The following PLCZ1 variants were observed in gnomAD, a reference collection of about 807,000 sequenced individuals.
The protein encoded by PLCZ1 is phospholipase C zeta 1, also known as 1-phosphatidylinositol 4,5-bisphosphate phosphodiesterase zeta-1.
PLCZ1 carries 64 observed loss-of-function variants against 76.8 expected under a neutral mutation model. The ratio of observed to expected loss-of-function variants is 0.83; its 90% confidence interval spans 0.68 to 1.03. The LOEUF (loss-of-function observed/expected upper bound fraction) is 1.03. Among genes scored for constraint, PLCZ1 ranks in the 50% least tolerant of loss-of-function variants. The pLI is 0.00. For synonymous variants in PLCZ1, 248 were observed against 230.8 expected, an observed-to-expected ratio of 1.07 and a Z score of -0.68; for missense variants, 751 against 713.7, an observed-to-expected ratio of 1.05 and a Z score of -0.60.
intron 12 of PLCZ1, chr12:18,694,040 T>C: frequency 2.1e-6 from 3 of 1,421,064 alleles, no homozygotes; most frequent in South Asian, 1.2e-5. Flanking sequence ...CTTCAAAAAA[T>C]CTAAAGAAAA....
intron 11 of PLCZ1, among the ~76,000 whole-genome samples, chr12:18,695,831 TA>T (rs1954900393): frequency 6.6e-6 from 1 of 152,138 alleles, no homozygotes; most frequent in Non-Finnish European, 1.5e-5. Context: ...GCCTTGAGCA[TA>T]CCTCAAGCAA....
the PLCZ1 span, among the ~76,000 whole-genome samples, chr12:18,650,694 GTGTGTGTGTGTATATATC>G: frequency 0.01 from 401 of 38,728 alleles, 4 homozygotes; most frequent in Middle Eastern, 0.025. Flanking sequence ...GTGTGTGTGT[GTGTGTGTGTGTATATATC>G]TATATATATA....
rs566991956 is a variant in PLCZ1, at chr12:18,715,495, G to A, written c.570-2509C>T. Among the ~76,000 whole-genome samples, 5 of 151,336 alleles carry A rather than the reference G, an allele frequency of 3.3e-5. No homozygotes were observed. The East Asian group carries it at 5.9e-4, about 18-fold the overall frequency. ...CGGCTCACTGCAAGCTCCGCCTCCC[G>A]GGTTCACGCCATTCTCCTGCCTCAG... On this transcript the variant is annotated intron_variant, in intron 5 of 14. Coordinates refer to ENST00000266505, the MANE Select transcript of PLCZ1 (RefSeq NM_033123.4).
intron 3 of PLCZ1, among the ~76,000 whole-genome samples, chr12:18,724,883 A>G (rs956847845): frequency 5.3e-5 from 8 of 152,172 alleles, no homozygotes; most frequent in Non-Finnish European, 1.2e-4. Flanking sequence ...GAATAGCAGC[A>G]TAAAATAAAA....
intron 3 of PLCZ1, among the ~76,000 whole-genome samples, chr12:18,730,676 A>G (rs1454573791): frequency 1.3e-5 from 2 of 152,150 alleles, no homozygotes; most frequent in African/African-American, 2.4e-5. Flanking sequence ...TACTTTTATA[A>G]TGGTTGAGCA....
chr12:18,734,459 T>C (rs1253688108), intron 3 of PLCZ1, among the ~76,000 whole-genome samples: 1 of 152,162 alleles, frequency 6.6e-6, no homozygotes, highest in African/African-American at 2.4e-5. Context: ...CAAGCAATTC[T>C]CGTGCCTCAG....
the PLCZ1 span, among the ~76,000 whole-genome samples, chr12:18,674,458 A>G: frequency 3.9e-5 from 6 of 152,124 alleles, no homozygotes; most frequent in African/African-American, 2.4e-5. Context: ...CTGGCACGTG[A>G]TATTTTCTCA....
intron 3 of PLCZ1, among the ~76,000 whole-genome samples, chr12:18,727,338 A>G (rs1489313100): frequency 6.6e-6 from 1 of 152,074 alleles, no homozygotes; most frequent in East Asian, 1.9e-4. Context: ...ACAGAGCAAG[A>G]CCTTTTCTCT....
At chr12:18,688,262 G>A (rs372166532) in intron 12 of PLCZ1, 44 bp from the exon 13 acceptor site, 7 of 1,552,376 alleles carry the variant, frequency 4.5e-6, no homozygotes, top group African/African-American at 2.7e-5. Flanking sequence ...AAGATATTAA[G>A]TTACATCACC....
chr12:18,719,714 TACTC>T (rs1014569761), intron 4 of PLCZ1, 82 bp from the exon 5 acceptor site: 9 of 913,864 alleles, frequency 9.8e-6, no homozygotes, highest in East Asian at 2.7e-5. Context: ...CTTGTAAACT[TACTC>T]AGTAGTAGAG....
the PLCZ1 span, among the ~76,000 whole-genome samples, chr12:18,673,690 A>C: frequency 2.6e-5 from 4 of 152,176 alleles, no homozygotes; most frequent in Non-Finnish European, 4.4e-5. Flanking sequence ...CCTCTGATTC[A>C]CTGTCTCTCA....
chr12:18,727,611 C>T lies in PLCZ1; in HGVS notation c.136-4069G>A, dbSNP rs370421151. On this transcript the variant is annotated intron_variant, in intron 3 of 14. Coordinates refer to ENST00000266505, the MANE Select transcript of PLCZ1 (RefSeq NM_033123.4). The stretch of plus-strand genomic sequence containing the variant: ...ATTAGAGAGAATGTTAGTGAAGCTG[C>T]GGGAGCAGATAAGGCAGGAAGCACA... 3.5e-4 allele frequency among the ~76,000 whole-genome samples: 53 copies of T among 152,150 alleles called. No individual in the cohort carries two copies. The East Asian group carries it at 7.6e-3, about 22-fold the overall frequency.
chr12:18,682,406 C>T (rs1952505270), downstream of PLCZ1, among the ~76,000 whole-genome samples: 2 of 152,122 alleles, frequency 1.3e-5, no homozygotes, highest in South Asian at 4.1e-4. Flanking sequence ...GGTGCTTTCA[C>T]ATCACTACTA....
At chr12:18,650,728 A>G in the PLCZ1 span, among the ~76,000 whole-genome samples, 59 of 23,450 alleles carry the variant, frequency 2.5e-3, 2 homozygotes, top group African/African-American at 0.018. Flanking sequence ...ATATATATAT[A>G]TATATATATA....
chr12:18,705,115 T>C (rs149235894), intron 7 of PLCZ1, 51 bp downstream of exon 7: 4 of 1,596,930 alleles, frequency 2.5e-6, no homozygotes. Context: ...AACAGTGACA[T>C]GTTTTCATGG....
chr12:18,666,459 G>A, the PLCZ1 span, among the ~76,000 whole-genome samples: 1 of 151,998 alleles, frequency 6.6e-6, no homozygotes, highest in Non-Finnish European at 1.5e-5. Context: ...GGACTTCAAG[G>A]TGATTGTTGC....
the PLCZ1 span, among the ~76,000 whole-genome samples, chr12:18,653,163 G>T: frequency 2.6e-5 from 4 of 152,118 alleles, no homozygotes; most frequent in East Asian, 5.8e-4. Flanking sequence ...CAAAGTGGTT[G>T]CAGTAGCAGA....
At chr12:18,713,744 T>C (rs1957617945) in intron 5 of PLCZ1, 1 of 152,170 alleles carries the variant, frequency 6.6e-6, no homozygotes, top group Non-Finnish European at 1.5e-5. Context: ...TACCTCAGAA[T>C]ACAAGTTCAC....
the PLCZ1 span, among the ~76,000 whole-genome samples, chr12:18,674,202 C>T: frequency 6.6e-6 from 1 of 152,148 alleles, no homozygotes; most frequent in Non-Finnish European, 1.5e-5. Context: ...CCATTCATTG[C>T]ACCTTTTAAA....
Sources: gnomAD v4.1 joint callset for allele counts (sites outside exome capture counted in the v4.1 genomes callset) on GRCh38, gnomAD v4.1.1 for gene constraint, MANE v1.5 for transcripts, NCBI Gene and HGNC (gene_info 2026-07-23, HGNC 2026-07-21) for gene names.